POC5: variants seen among roughly 807,000 people sequenced by gnomAD.
POC5 encodes POC5 centriolar protein, also known as centrosomal protein POC5.
In POC5, 48 loss-of-function variants were observed where a neutral mutation model predicts 62.9. The ratio of observed to expected loss-of-function variants is 0.76; its 90% CI spans 0.61 to 0.97. The LOEUF (loss-of-function observed/expected upper bound fraction) is 0.97, where lower values mean the gene tolerates loss of function less well. Ranked by LOEUF, POC5 falls within the 50% of genes least tolerant of loss-of-function variation. The pLI, the probability that POC5 is intolerant of heterozygous loss-of-function variation, is 0.00. For synonymous variants in POC5, 236 were observed against 228.2 expected (o/e 1.03, Z -0.31); for missense variants, 696 against 679.5 (o/e 1.02, Z -0.27).
intron 5 of POC5, among the ~76,000 whole-genome samples, chr5:75,696,993 G>A (rs1776628441): frequency 6.6e-6 from 1 of 151,932 alleles, no homozygotes; most frequent in South Asian, 2.1e-4. Flanking sequence ...AGCAAGAAGG[G>A]AAGTTTAGAG....
chr5:75,695,699 G>A (rs1177507630), intron 5 of POC5, among the ~76,000 whole-genome samples: 1 of 152,124 alleles, frequency 6.6e-6, no homozygotes, highest in Non-Finnish European at 1.5e-5. Context: ...AAAAAAAAGT[G>A]GGGGAGGAGC....
rs753391545 is a variant in POC5 at position 75,702,628 on chromosome 5, C to T, written c.490G>A (p.Asp164Asn). Residue 164 changes from aspartate (D) to asparagine (N), a missense_variant, in exon 5 of 12, where the codon GAT (aspartate) becomes AAT (asparagine). Asp to Asn is a conservative substitution (Grantham distance 23, BLOSUM62 1). Transcript: ENST00000428202. ...ACCTTAAGACCTGAACTCCAAAGAT[C>T]AAGCACATTTTCCATCTTCTGAAGG... is the stretch of plus-strand genomic sequence containing the variant. The part of the protein sequence containing the change: ...ENLQKMENVL[D>N]LWSSGLKTNI... 1.2e-6 allele frequency: 2 copies of T among 1,613,292 alleles called. No homozygotes were observed. Among genetic ancestry groups the T allele is most frequent in the Non-Finnish European group, 1.7e-6 (2 of 1,179,620 alleles).
chr5:75,686,617 T>C (rs1580008564), intron 9 of POC5, among the ~76,000 whole-genome samples: 1 of 152,346 alleles, frequency 6.6e-6, no homozygotes, highest in East Asian at 1.9e-4. Flanking sequence ...GTAGAGATTC[T>C]GAGTGTCTAT....
intron 2 of POC5, among the ~76,000 whole-genome samples, chr5:75,709,806 C>G (rs1777270525): frequency 6.6e-6 from 1 of 152,162 alleles, no homozygotes; most frequent in Non-Finnish European, 1.5e-5. Flanking sequence ...TCCTAATAAA[C>G]TAATACATAA....
intron 11 of POC5, among the ~76,000 whole-genome samples, chr5:75,675,567 C>G (rs1775618763): frequency 6.6e-6 from 1 of 152,150 alleles, no homozygotes; most frequent in African/African-American, 2.4e-5. Flanking sequence ...AAGAACAGAA[C>G]TCCTTTTTAA....
chr5:75,716,389 G>GGT (rs2112229006), intron 1 of POC5, among the ~76,000 whole-genome samples: 1 of 99,486 alleles, frequency 1.0e-5, no homozygotes, highest in Admixed American at 1.3e-4. Context: ...GGGGTGGGGG[G>GGT]GGGGGGGTGC....
intron 5 of POC5, among the ~76,000 whole-genome samples, chr5:75,695,127 C>G (rs1776508022): frequency 6.6e-6 from 1 of 151,978 alleles, no homozygotes; most frequent in South Asian, 2.1e-4. Context: ...TTTGTTTATT[C>G]AAGGATTAAA....
rs768876452 is a variant in POC5 at position 75,694,756 on chromosome 5, T to C, written c.589A>G (p.Lys197Glu). ...DWHRMEMRKE[K>E]EKHAAHLKQL... ...TTTAAATGTGCTGCATGTTTTTCTT[T>C]CTCTTTTCTCATTTCCATTCGGTGC... The change falls in exon 6 of 12, where the codon AAA becomes GAA. Residue 197 changes from lysine (K) to glutamate (E), a missense_variant. Physicochemically the swap from Lys to Glu is moderately conservative, Grantham distance 56 (BLOSUM62 1). Transcript: ENST00000428202. The C allele has an allele frequency of 6.3e-7, 1 of 1,591,292 alleles. No individual in the cohort carries two copies. Among genetic ancestry groups the C allele is most frequent in the Admixed American group, 1.7e-5 (1 of 59,642 alleles).
At chr5:75,681,238 G>A (rs1467583716) in intron 10 of POC5, among the ~76,000 whole-genome samples, 1 of 152,102 alleles carries the variant, frequency 6.6e-6, no homozygotes, top group Non-Finnish European at 1.5e-5. Flanking sequence ...TAGGCAAGTT[G>A]CATACTCTCT....
intron 4 of POC5, among the ~76,000 whole-genome samples, chr5:75,703,437 C>G (rs1446003431): frequency 6.6e-6 from 1 of 151,862 alleles, no homozygotes; most frequent in African/African-American, 2.4e-5. Flanking sequence ...ACCATCCTGG[C>G]CAACAAGGTG....
At chr5:75,679,030 T>G (rs1337795422) in intron 10 of POC5, among the ~76,000 whole-genome samples, 1 of 152,190 alleles carries the variant, frequency 6.6e-6, no homozygotes, top group Non-Finnish European at 1.5e-5. Flanking sequence ...TGAAAGGATA[T>G]TAATATTTAA....
chr5:75,705,977 AT>A (rs1372138304), intron 3 of POC5, among the ~76,000 whole-genome samples, 190 bp from the exon 4 acceptor site: 1 of 152,234 alleles, frequency 6.6e-6, no homozygotes, highest in Non-Finnish European at 1.5e-5. Context: ...AAGACTTACT[AT>A]ATCATTGATA....
intron 11 of POC5, among the ~76,000 whole-genome samples, chr5:75,676,057 G>A (rs1381215612): frequency 6.6e-6 from 1 of 152,198 alleles, no homozygotes; most frequent in East Asian, 1.9e-4. Context: ...ACTGAATAAA[G>A]GGAGGGCAGC....
At chr5:75,712,521 C>A (rs1235302995) in intron 2 of POC5, 3 of 1,400,682 alleles carry the variant, frequency 2.1e-6, no homozygotes, top group Admixed American at 2.0e-5. Flanking sequence ...TATTAATTTG[C>A]ATTAAAAGTG....
chr5:75,703,920 C>G (rs967784043), intron 4 of POC5, among the ~76,000 whole-genome samples: 1 of 152,018 alleles, frequency 6.6e-6, no homozygotes. Context: ...CTTTGGGAGG[C>G]TGAAGTGGGC....
At chr5:75,688,720 T>TA (rs1384949423) in intron 9 of POC5, among the ~76,000 whole-genome samples, 2 of 152,220 alleles carry the variant, frequency 1.3e-5, no homozygotes, top group African/African-American at 4.8e-5. Context: ...AATTCTTAGT[T>TA]AAAAGAGATT....
At chr5:75,705,670 A>G in intron 4 of POC5, 34 bp downstream of exon 4, 2 of 1,303,566 alleles carry the variant, frequency 1.5e-6, no homozygotes, top group Non-Finnish European at 2.1e-6. Flanking sequence ...AAAATGTTGT[A>G]TATTAATACA....
intron 5 of POC5, among the ~76,000 whole-genome samples, chr5:75,697,120 G>T (rs551052416): frequency 6.6e-6 from 1 of 152,324 alleles, no homozygotes; most frequent in African/African-American, 2.4e-5. Context: ...AACCAAGTTG[G>T]AAAACACTCT....
At chr5:75,688,989 A>G in intron 9 of POC5, 23 bp downstream of exon 9, 1 of 1,520,960 alleles carries the variant, frequency 6.6e-7, no homozygotes, top group Non-Finnish European at 8.8e-7. Flanking sequence ...AATTAGGCAG[A>G]GAAACTTTAA....
Sources: allele counts gnomAD v4.1 joint callset (sites outside exome capture counted in the v4.1 genomes callset), GRCh38; gene constraint gnomAD v4.1.1; transcripts MANE v1.5; gene names NCBI Gene and HGNC (gene_info 2026-07-23, HGNC 2026-07-21).